SORCS3: variants seen among roughly 807,000 people sequenced by gnomAD.
SORCS3 encodes sortilin related VPS10 domain containing receptor 3.
Under a neutral mutation model 146.3 loss-of-function variants are expected in SORCS3, and 57 were observed. That is an observed-to-expected ratio of 0.39 (90% CI 0.31 to 0.49). SORCS3 has a LOEUF of 0.49. Among genes scored for constraint, SORCS3 ranks in the 20% least tolerant of loss-of-function variants. The pLI, the probability that SORCS3 is intolerant of heterozygous loss-of-function variation, is 0.92. For missense variants in SORCS3, 1,341 were observed against 1,575.5 expected (o/e 0.85, Z 2.52); for synonymous variants, 653 against 618.5 (o/e 1.06, Z -0.83).
intron 2 of SORCS3, among the ~76,000 whole-genome samples, chr10:104,893,748 C>T (rs1018173973): frequency 8.5e-5 from 13 of 152,194 alleles, no homozygotes; most frequent in Non-Finnish European, 1.3e-4. Flanking sequence ...ATCTCAATGG[C>T]GAAGTGAACA....
chr10:105,124,194 C>G (rs1189837255), intron 7 of SORCS3, among the ~76,000 whole-genome samples: 1 of 152,190 alleles, frequency 6.6e-6, no homozygotes, highest in Non-Finnish European at 1.5e-5. Flanking sequence ...AATAGCTCCA[C>G]AGCCCAAGCT....
At chr10:105,178,956 G>A (rs1186366448) in intron 14 of SORCS3, among the ~76,000 whole-genome samples, 2 of 152,192 alleles carry the variant, frequency 1.3e-5, no homozygotes, top group Non-Finnish European at 2.9e-5. Flanking sequence ...AAGGGTGTAT[G>A]ATCTTCCTAC....
At chr10:104,906,104 A>G (rs2018902291) in intron 2 of SORCS3, among the ~76,000 whole-genome samples, 1 of 152,204 alleles carries the variant, frequency 6.6e-6, no homozygotes, top group Non-Finnish European at 1.5e-5. Flanking sequence ...TGCACATGTC[A>G]CAGGGCCCCG....
intron 11 of SORCS3, among the ~76,000 whole-genome samples, chr10:105,161,361 C>T: frequency 6.6e-6 from 1 of 152,148 alleles, no homozygotes; most frequent in East Asian, 1.9e-4. Flanking sequence ...CTTCAGTGGC[C>T]TGCATGGAGC....
chr10:105,100,562 G>C (rs1447812545), intron 6 of SORCS3, among the ~76,000 whole-genome samples: 4 of 152,142 alleles, frequency 2.6e-5, no homozygotes, highest in African/African-American at 7.2e-5. Context: ...TTCACATCCA[G>C]GTTAAACTCA....
chr10:105,087,487 G>GAAAA lies in SORCS3; in HGVS notation c.1029-2278_1029-2275dup, dbSNP rs59554883. On this transcript the variant is annotated intron_variant, in intron 5 of 26. Coordinates refer to ENST00000369701, the MANE Select transcript of SORCS3 (RefSeq NM_014978.3). ...ACAAAATGAGACATTTCTCTTCTGGGAAAAAAAAAAAAAGAAAGAAAGAAA... is the reference window on the plus strand; with the variant it reads ...ACAAAATGAGACATTTCTCTTCTGGGAAAAAAAAAAAAAAAAAGAAAGAAAGAAA... 5.3e-4 allele frequency among the ~76,000 whole-genome samples: 76 copies of GAAAA among 142,244 alleles called. 1 individual carries two copies. The highest frequency in any genetic ancestry group is 2.4e-3 in the East Asian group (12 of 4,928). The allele number at this position is 142,244 out of a possible 152,430, so 93.3% of individuals were successfully genotyped here.
intron 14 of SORCS3, among the ~76,000 whole-genome samples, chr10:105,191,722 G>A (rs1382659679): frequency 6.6e-6 from 1 of 152,090 alleles, no homozygotes; most frequent in Non-Finnish European, 1.5e-5. Context: ...GCATTAGTTA[G>A]ATTCTCATAA....
chr10:104,652,473 G>T (rs1489869300), intron 1 of SORCS3, among the ~76,000 whole-genome samples: 3 of 152,078 alleles, frequency 2.0e-5, no homozygotes, highest in African/African-American at 7.2e-5. Flanking sequence ...AAAGAATAGG[G>T]GGTGATATGA....
At chr10:104,784,122 T>C (rs2017405661) in intron 1 of SORCS3, among the ~76,000 whole-genome samples, 2 of 152,362 alleles carry the variant, frequency 1.3e-5, no homozygotes, top group Admixed American at 6.5e-5. Context: ...ATCTTGTTTT[T>C]CTCTAGGAAA....
At chr10:104,701,825 T>C (rs10884035) in intron 1 of SORCS3, among the ~76,000 whole-genome samples, 42,540 of 151,988 alleles carry the variant, frequency 0.28, 6,194 homozygotes, top group South Asian at 0.38. Flanking sequence ...TTTTCGGTAT[T>C]GGGTAGAAAA....
At chr10:104,810,481 G>A (rs1435529726) in intron 1 of SORCS3, among the ~76,000 whole-genome samples, 1 of 152,172 alleles carries the variant, frequency 6.6e-6, no homozygotes, top group Non-Finnish European at 1.5e-5. Context: ...ATATTGTAAA[G>A]TAAAATGTAG....
chr10:104,738,451 A>T (rs1191011013), intron 1 of SORCS3, among the ~76,000 whole-genome samples: 1 of 152,190 alleles, frequency 6.6e-6, no homozygotes, highest in South Asian at 2.1e-4. Flanking sequence ...CCTCTTAGAA[A>T]TACCTGGTAA....
intron 1 of SORCS3, among the ~76,000 whole-genome samples, chr10:104,769,258 G>A (rs971976719): frequency 6.6e-6 from 1 of 152,182 alleles, no homozygotes; most frequent in African/African-American, 2.4e-5. Flanking sequence ...TGCATGTTAG[G>A]TCCCTACCAG....
chr10:105,149,223 T>G (rs1298614631), intron 9 of SORCS3, among the ~76,000 whole-genome samples: 1 of 152,102 alleles, frequency 6.6e-6, no homozygotes, highest in East Asian at 1.9e-4. Flanking sequence ...GCAGAAATAT[T>G]TAAGATTGCA....
chr10:104,875,038 AAT>A (rs2018556931), intron 2 of SORCS3, among the ~76,000 whole-genome samples: 1 of 152,102 alleles, frequency 6.6e-6, no homozygotes, highest in African/African-American at 2.4e-5. Context: ...TTTTCATTTG[AAT>A]ACATGATGTC....
chr10:104,824,042 A>T (rs961878403), intron 1 of SORCS3, among the ~76,000 whole-genome samples: 1 of 152,144 alleles, frequency 6.6e-6, no homozygotes, highest in African/African-American at 2.4e-5. Context: ...GAAAAGAAAA[A>T]CAACAGATTT....
chr10:104,855,541 T>C (rs1052124729), intron 2 of SORCS3, among the ~76,000 whole-genome samples: 36 of 152,220 alleles, frequency 2.4e-4, no homozygotes, highest in African/African-American at 7.2e-4. Flanking sequence ...TTTTGTTAAG[T>C]GTACACTTAT....
Position 105,255,774 on chromosome 10 carries a change from A to T in SORCS3, c.3310A>T (p.Ile1104Phe). 1 of 1,613,888 alleles carries T rather than the reference A, an allele frequency of 6.2e-7. No individual in the cohort carries two copies. The highest frequency in any genetic ancestry group is 1.1e-5 in the South Asian group (1 of 90,998). ...QFELKPGVQV[I>F]VYVTQLTLAP... ...TGAGCTGAAGCCGGGGGTACAAGTC[A>T]TTGTGTATGTCACACAGCTGACGTT... Residue 1104 changes from isoleucine (I) to phenylalanine (F), a missense_variant, in exon 24 of 27, where the codon ATT becomes TTT. Physicochemically the swap from Ile to Phe is conservative, Grantham distance 21. Coordinates refer to ENST00000369701, the MANE Select transcript of SORCS3 (RefSeq NM_014978.3).
chr10:104,801,457 G>T (rs1056585881), intron 1 of SORCS3, among the ~76,000 whole-genome samples: 1 of 152,150 alleles, frequency 6.6e-6, no homozygotes, highest in African/African-American at 2.4e-5. Context: ...TAATTTTGAG[G>T]AATGTAAAAA....
Sources: gnomAD v4.1 joint callset for allele counts (sites outside exome capture counted in the v4.1 genomes callset) on GRCh38, gnomAD v4.1.1 for gene constraint, MANE v1.5 for transcripts, NCBI Gene and HGNC (gene_info 2026-07-23, HGNC 2026-07-21) for gene names.